The following CDH10 variants were observed in gnomAD, a reference collection of about 807,000 sequenced individuals.
The protein encoded by CDH10 is cadherin-10.
In CDH10, 30 loss-of-function variants were observed where a neutral mutation model predicts 73.1. The observed-to-expected ratio is 0.41, with a 90% confidence interval of 0.31 to 0.56. The LOEUF (loss-of-function observed/expected upper bound fraction) is 0.56, where lower values mean the gene tolerates loss of function less well. CDH10 is among the 20% of genes least tolerant of loss of function. The pLI is 0.27. For synonymous variants in CDH10, 345 were observed against 348.2 expected, an observed-to-expected ratio of 0.99 and a Z score of 0.10; for missense variants, 815 against 973.7, an observed-to-expected ratio of 0.84 and a Z score of 2.17.
chr5:24,607,032 A>G (rs1377469285), intron 1 of CDH10, among the ~76,000 whole-genome samples: 3 of 152,278 alleles, frequency 2.0e-5, no homozygotes, highest in African/African-American at 4.8e-5. Context: ...TATTTTTTTA[A>G]TCTCTATAAC....
chr5:24,531,482 A>G (rs1042199529), intron 5 of CDH10, among the ~76,000 whole-genome samples: 1 of 152,106 alleles, frequency 6.6e-6, no homozygotes, highest in African/African-American at 2.4e-5. Flanking sequence ...TTTATAAAGG[A>G]AAGACGTTTA....
chr5:24,534,159 C>CA (rs766964735), intron 5 of CDH10, among the ~76,000 whole-genome samples: 9 of 151,768 alleles, frequency 5.9e-5, no homozygotes, highest in Non-Finnish European at 1.2e-4. Flanking sequence ...ATAAATATTA[C>CA]AAAAAAAGCT....
chr5:24,508,620 G>A (rs1342460942), intron 7 of CDH10, among the ~76,000 whole-genome samples: 1 of 148,120 alleles, frequency 6.8e-6, no homozygotes, highest in East Asian at 1.9e-4. Flanking sequence ...CTGGGCTCAA[G>A]TGATCCTCCT....
intron 8 of CDH10, among the ~76,000 whole-genome samples, chr5:24,498,893 T>C (rs1742389492): frequency 6.6e-6 from 1 of 152,170 alleles, no homozygotes; most frequent in Non-Finnish European, 1.5e-5. Flanking sequence ...CTTTTTTGGA[T>C]GAAGAAATAG....
chr5:24,543,213 G>A (rs866429788), intron 2 of CDH10, among the ~76,000 whole-genome samples: 1 of 152,018 alleles, frequency 6.6e-6, no homozygotes, highest in Non-Finnish European at 1.5e-5. Context: ...TTATATTATT[G>A]TGAGATTATT....
intron 1 of CDH10, among the ~76,000 whole-genome samples, chr5:24,638,325 A>C (rs1023926270): frequency 6.6e-6 from 1 of 151,692 alleles, no homozygotes; most frequent in Non-Finnish European, 1.5e-5. Flanking sequence ...GTCTCAGAAA[A>C]AGTAGAGTTC....
chr5:24,630,071 G>A (rs1269235474), intron 1 of CDH10, among the ~76,000 whole-genome samples: 1 of 152,114 alleles, frequency 6.6e-6, no homozygotes, highest in Non-Finnish European at 1.5e-5. Flanking sequence ...ACTAGGCTGT[G>A]AGTTGGGGAT....
At chr5:24,589,975 G>A (rs750289215) in intron 2 of CDH10, among the ~76,000 whole-genome samples, 3 of 151,972 alleles carry the variant, frequency 2.0e-5, no homozygotes, top group Non-Finnish European at 4.4e-5. Context: ...AGAGGGGAGT[G>A]AGTATATAGG....
intron 2 of CDH10, among the ~76,000 whole-genome samples, chr5:24,541,636 A>G (rs1413998992): frequency 6.6e-6 from 1 of 152,124 alleles, no homozygotes; most frequent in African/African-American, 2.4e-5. Flanking sequence ...CTATTTTATT[A>G]TGTGAGACAT....
chr5:24,571,666 C>A (rs1745385111), intron 2 of CDH10, among the ~76,000 whole-genome samples: 2 of 151,848 alleles, frequency 1.3e-5, no homozygotes, highest in Admixed American at 1.3e-4. Context: ...TAAGGTAGTC[C>A]ATACATTATT....
chr5:24,620,301 T>G (rs979069627), intron 1 of CDH10, among the ~76,000 whole-genome samples: 1 of 152,152 alleles, frequency 6.6e-6, no homozygotes, highest in Admixed American at 6.6e-5. Context: ...ACAATATACA[T>G]TAAAAGAAGA....
At chr5:24,620,187 A>G (rs375397727) in intron 1 of CDH10, among the ~76,000 whole-genome samples, 8 of 152,186 alleles carry the variant, frequency 5.3e-5, no homozygotes, top group African/African-American at 1.9e-4. Flanking sequence ...AATATTTTTT[A>G]TTAAACACAT....
intron 2 of CDH10, among the ~76,000 whole-genome samples, chr5:24,582,576 T>G (rs1745840724): frequency 6.6e-6 from 1 of 152,142 alleles, no homozygotes; most frequent in African/African-American, 2.4e-5. Flanking sequence ...CATTGATTTG[T>G]ATTTATTTGT....
In CDH10 at chr5:24,613,507, C is replaced by A. The variant is rs748184598; in HGVS notation, c.-123-19894G>T. ...TTTCTGCTATTGTTTGGCTTGCAAG[C>A]ATCCTCTTTGCTGGGAAAAAAAAAA... On this transcript the variant is annotated intron_variant, in intron 1 of 11. Transcript: ENST00000264463. 7.1e-4 allele frequency among the ~76,000 whole-genome samples: 88 copies of A among 123,914 alleles called. 1 individual carries two copies. The highest frequency in any genetic ancestry group is 4.1e-4 in the Non-Finnish European group (25 of 61,362). 81.3% of individuals were successfully genotyped at this position (123,914 alleles called of 152,430 possible). A position where few individuals can be genotyped will look rare whatever the true frequency, so the allele number is the denominator to read the frequency against.
Position 24,559,475 on chromosome 5 carries a change from TC to T in CDH10, c.232-21802del, listed in dbSNP as rs573831869. 3.1e-4 allele frequency among the ~76,000 whole-genome samples: 47 copies of T among 152,170 alleles called. No homozygotes were observed. In the South Asian group the frequency reaches 9.1e-3, roughly 30 times the overall value. On this transcript the variant is annotated intron_variant, in intron 2 of 11. Coordinates refer to ENST00000264463, the MANE Select transcript of CDH10 (RefSeq NM_006727.5). ...AGATTAATATCCAATCAACAACACT[TC>T]CTTCAAACATTTCACTATTGAACTG...
intron 2 of CDH10, among the ~76,000 whole-genome samples, chr5:24,548,283 A>T (rs1478834865): frequency 2.0e-5 from 3 of 151,844 alleles, no homozygotes; most frequent in Non-Finnish European, 4.4e-5. Context: ...ACCTGCCACC[A>T]TGCCCCATGT....
At chr5:24,571,544 A>G (rs1745380842) in intron 2 of CDH10, among the ~76,000 whole-genome samples, 1 of 152,158 alleles carries the variant, frequency 6.6e-6, no homozygotes, top group African/African-American at 2.4e-5. Context: ...AAGAAATTTT[A>G]TATTGGCCAT....
At chr5:24,539,146 C>T (rs1324857022) in intron 2 of CDH10, among the ~76,000 whole-genome samples, 1 of 151,816 alleles carries the variant, frequency 6.6e-6, no homozygotes, top group African/African-American at 2.4e-5. Flanking sequence ...TGATCTACAG[C>T]CTACAGAATT....
chr5:24,575,769 C>T (rs1368924933), intron 2 of CDH10, among the ~76,000 whole-genome samples: 1 of 151,888 alleles, frequency 6.6e-6, no homozygotes, highest in African/African-American at 2.4e-5. Flanking sequence ...CTTTTATATT[C>T]TTTATATTTA....
Sources: allele counts gnomAD v4.1 joint callset (sites outside exome capture counted in the v4.1 genomes callset), GRCh38; gene constraint gnomAD v4.1.1; transcripts MANE v1.5; gene names NCBI Gene and HGNC (gene_info 2026-07-23, HGNC 2026-07-21).